Variants in MAPK10 observed in about 807,000 individuals in gnomAD.
MAPK10 encodes mitogen-activated protein kinase 10, also known as JNK3 alpha protein kinase.
In MAPK10, 25 loss-of-function variants were observed where a neutral mutation model predicts 59.3. That is an observed-to-expected ratio of 0.42 (90% CI 0.31 to 0.59). MAPK10 has a LOEUF of 0.59. Ranked by LOEUF, MAPK10 falls within the 20% of genes least tolerant of loss-of-function variation. The probability of loss-of-function intolerance (pLI) is 0.15; values close to 1 mark genes in which losing one functional copy is unlikely to be tolerated. For missense variants in MAPK10, 351 were observed against 568.9 expected, an observed-to-expected ratio of 0.62 and a Z score of 3.90; for synonymous variants, 190 against 200.5, an observed-to-expected ratio of 0.95 and a Z score of 0.44.
At chr4:86,436,886 A>G (rs1442344905) in intron 1 of MAPK10, among the ~76,000 whole-genome samples, 1 of 152,178 alleles carries the variant, frequency 6.6e-6, no homozygotes, top group African/African-American at 2.4e-5. Flanking sequence ...ATTTGCTTAC[A>G]TCAGAGAAAA....
intron 2 of MAPK10, among the ~76,000 whole-genome samples, chr4:86,255,610 T>C (rs2093672052): frequency 6.6e-6 from 1 of 152,222 alleles, no homozygotes; most frequent in African/African-American, 2.4e-5. Flanking sequence ...ATGTGGTATC[T>C]ATATTGAACG....
chr4:86,336,259 G>C (rs1471372507), intron 2 of MAPK10: 1 of 134,044 alleles, frequency 7.5e-6, no homozygotes, highest in Non-Finnish European at 1.6e-5. Flanking sequence ...TTTTAAGTTG[G>C]TGATGTGGGT....
At chr4:86,377,926 T>C (rs759450164) in intron 1 of MAPK10, among the ~76,000 whole-genome samples, 66 of 152,302 alleles carry the variant, frequency 4.3e-4, no homozygotes, top group Non-Finnish European at 1.9e-4. Context: ...TGCCTGCTTA[T>C]ATTCTAGCTG....
At chr4:86,139,377 C>T (rs1204864625) in intron 4 of MAPK10, among the ~76,000 whole-genome samples, 14 of 150,866 alleles carry the variant, frequency 9.3e-5, no homozygotes, top group Admixed American at 5.3e-4. Flanking sequence ...GAAATAACGC[C>T]GCATATCTAC....
intron 2 of MAPK10, among the ~76,000 whole-genome samples, chr4:86,274,734 T>C (rs901012429): frequency 1.3e-5 from 2 of 152,026 alleles, no homozygotes; most frequent in Admixed American, 1.3e-4. Flanking sequence ...ACCTGTCTCC[T>C]CACACATTAA....
At chr4:86,336,766 C>A (rs1002318492) in intron 2 of MAPK10, among the ~76,000 whole-genome samples, 1 of 150,844 alleles carries the variant, frequency 6.6e-6, no homozygotes, top group African/African-American at 2.4e-5. Context: ...ATAAGCTCCA[C>A]GACATCAGGA....
chr4:86,221,009 C>A (rs2089403466), intron 2 of MAPK10, among the ~76,000 whole-genome samples: 1 of 149,128 alleles, frequency 6.7e-6, no homozygotes, highest in African/African-American at 2.6e-5. Flanking sequence ...GGTACGTTCT[C>A]CCTTTTCCCT....
At chr4:86,538,489 ACAAACCTCC>A (rs1158208892) in intron 1 of MAPK10, among the ~76,000 whole-genome samples, 2 of 152,186 alleles carry the variant, frequency 1.3e-5, no homozygotes, top group African/African-American at 4.8e-5. Context: ...TTTCTGGGAG[ACAAACCTCC>A]CTGTTTTGCT....
At chr4:86,169,539 A>G (rs2073282565) in intron 3 of MAPK10, among the ~76,000 whole-genome samples, 1 of 152,144 alleles carries the variant, frequency 6.6e-6, no homozygotes, top group Non-Finnish European at 1.5e-5. Context: ...AAATGAACAA[A>G]GCCTCCAAGA....
chr4:86,283,079 T>C (rs1163160098), intron 2 of MAPK10, among the ~76,000 whole-genome samples: 2 of 152,238 alleles, frequency 1.3e-5, no homozygotes, highest in Non-Finnish European at 2.9e-5. Context: ...TGTTCTTTTC[T>C]ACATTTTTAT....
intron 9 of MAPK10, among the ~76,000 whole-genome samples, chr4:86,086,741 T>C (rs566896908): frequency 6.6e-6 from 1 of 152,276 alleles, no homozygotes; most frequent in Non-Finnish European, 1.5e-5. Context: ...TTAATAGATT[T>C]AGGTATAATT....
chr4:86,582,563 C>G (rs1762378564), intron 1 of MAPK10, among the ~76,000 whole-genome samples: 1 of 152,164 alleles, frequency 6.6e-6, no homozygotes, highest in Admixed American at 6.5e-5. Context: ...TAAAGCTATT[C>G]CATTTACTTG....
At chr4:86,524,644 A>C (rs936781344) in intron 1 of MAPK10, among the ~76,000 whole-genome samples, 11 of 152,180 alleles carry the variant, frequency 7.2e-5, no homozygotes, top group Non-Finnish European at 1.2e-4. Context: ...GCAGCTTTGC[A>C]CATATTCATC....
intron 13 of MAPK10, among the ~76,000 whole-genome samples, chr4:86,019,636 T>C (rs3775166): frequency 0.25 from 37,374 of 152,036 alleles, 5,939 homozygotes; most frequent in African/African-American, 0.46. Flanking sequence ...ATTATACCAA[T>C]ATCCTTCATA....
At chr4:86,507,612 G>T (rs1755835197) in intron 1 of MAPK10, among the ~76,000 whole-genome samples, 1 of 29,234 alleles carries the variant, frequency 3.4e-5, no homozygotes, top group South Asian at 1.1e-3. Context: ...AGAATAAACT[G>T]GAGATATATA....
intron 2 of MAPK10, among the ~76,000 whole-genome samples, chr4:86,248,615 T>C (rs904368399): frequency 6.6e-6 from 1 of 152,214 alleles, no homozygotes; most frequent in African/African-American, 2.4e-5. Context: ...ATAGAGCTCA[T>C]GCTTCATCAA....
chr4:86,517,909 G>C (rs756283486), intron 1 of MAPK10, among the ~76,000 whole-genome samples: 1 of 152,180 alleles, frequency 6.6e-6, no homozygotes, highest in Non-Finnish European at 1.5e-5. Flanking sequence ...ATCTGGTCCT[G>C]AACATTTTTT....
chr4:86,177,392 A>C (rs2075921870), intron 3 of MAPK10, among the ~76,000 whole-genome samples: 1 of 152,082 alleles, frequency 6.6e-6, no homozygotes, highest in Non-Finnish European at 1.5e-5. Flanking sequence ...TTTACTTCTC[A>C]TGTTGGTATA....
intron 11 of MAPK10, among the ~76,000 whole-genome samples, chr4:86,039,099 A>T (rs2040944925): frequency 6.6e-6 from 1 of 152,216 alleles, no homozygotes; most frequent in Admixed American, 6.5e-5. Flanking sequence ...TTTTAAAAGT[A>T]TGATTTGAGG....
Sources: gnomAD v4.1 joint callset for allele counts (sites outside exome capture counted in the v4.1 genomes callset) on GRCh38, gnomAD v4.1.1 for gene constraint, MANE v1.5 for transcripts, NCBI Gene and HGNC (gene_info 2026-07-23, HGNC 2026-07-21) for gene names.